The following NCKAP1 variants were observed in gnomAD, a reference collection of about 807,000 sequenced individuals.
The protein encoded by NCKAP1 is NCK associated protein 1.
In NCKAP1, 21 loss-of-function variants were observed where a neutral mutation model predicts 151.2. The observed-to-expected ratio is 0.14, with a 90% CI of 0.10 to 0.20. The LOEUF (loss-of-function observed/expected upper bound fraction) is 0.20, where lower values mean the gene tolerates loss of function less well. Ranked by LOEUF, NCKAP1 falls within the 10% of genes least tolerant of loss-of-function variation. The probability of loss-of-function intolerance (pLI) is 1.00; values close to 1 mark genes in which losing one functional copy is unlikely to be tolerated. For missense variants in NCKAP1, 933 were observed against 1,352.1 expected, an observed-to-expected ratio of 0.69 and a Z score of 4.86; for synonymous variants, 484 against 451.8, an observed-to-expected ratio of 1.07 and a Z score of -0.90.
At chr2:183,023,562 T>A (rs1217280008) in intron 2 of NCKAP1, among the ~76,000 whole-genome samples, 1 of 152,134 alleles carries the variant, frequency 6.6e-6, no homozygotes, top group Admixed American at 6.6e-5. Context: ...TGTTGCAATT[T>A]GAAAGGGAAT....
intron 17 of NCKAP1, among the ~76,000 whole-genome samples, chr2:182,962,605 T>C (rs532467370): frequency 6.6e-6 from 1 of 152,262 alleles, no homozygotes; most frequent in Non-Finnish European, 1.5e-5. Flanking sequence ...TGTTAAAATA[T>C]TAAACATATA....
intron 23 of NCKAP1, among the ~76,000 whole-genome samples, chr2:182,948,788 A>G (rs1010609165): frequency 6.6e-6 from 1 of 152,248 alleles, no homozygotes; most frequent in Non-Finnish European, 1.5e-5. Context: ...GTTGATTGTG[A>G]AAACAGTATG....
intron 17 of NCKAP1, among the ~76,000 whole-genome samples, chr2:182,964,276 T>C (rs561370179): frequency 6.6e-6 from 1 of 152,120 alleles, no homozygotes; most frequent in African/African-American, 2.4e-5. Flanking sequence ...AATTTAGTAA[T>C]AATAAGTTAG....
At chr2:182,980,024 C>T (rs1270972414) in intron 13 of NCKAP1, among the ~76,000 whole-genome samples, 1 of 151,970 alleles carries the variant, frequency 6.6e-6, no homozygotes, top group African/African-American at 2.4e-5. Flanking sequence ...TTAGTAAACT[C>T]CACTTTATAT....
At chr2:182,936,016 G>C (rs1436891185) in intron 24 of NCKAP1, among the ~76,000 whole-genome samples, 1 of 152,090 alleles carries the variant, frequency 6.6e-6, no homozygotes, top group African/African-American at 2.4e-5. Context: ...TAGCATTCTA[G>C]GAGGCTGAAC....
chr2:183,022,153 A>G (rs1195790098), intron 2 of NCKAP1, among the ~76,000 whole-genome samples: 1 of 152,200 alleles, frequency 6.6e-6, no homozygotes, highest in Non-Finnish European at 1.5e-5. Context: ...ATTCTAAGGA[A>G]AGACCTAATA....
At chr2:182,997,818 C>A (rs1698299406) in intron 6 of NCKAP1, among the ~76,000 whole-genome samples, 1 of 152,106 alleles carries the variant, frequency 6.6e-6, no homozygotes, top group Non-Finnish European at 1.5e-5. Flanking sequence ...GGCTCCTCAT[C>A]ATTCTATGAG....
Position 182,942,053 on chromosome 2 carries a change from T to C in NCKAP1, c.2695+17A>G. On this transcript the variant is annotated intron_variant, in intron 24 of 30. Transcript: ENST00000361354. ...AAGATCTTCTTATGTTTATAAAAAG[T>C]ATCATGAGTTACCCACATGATAATC... The C allele has an allele frequency of 6.3e-7, 1 of 1,583,876 alleles. No homozygotes were observed. Among genetic ancestry groups the C allele is most frequent in the South Asian group, 1.2e-5 (1 of 86,194 alleles).
At chr2:182,930,300 C>T (rs1311453293) in intron 27 of NCKAP1, among the ~76,000 whole-genome samples, 2 of 152,006 alleles carry the variant, frequency 1.3e-5, no homozygotes, top group African/African-American at 4.8e-5. Flanking sequence ...CTGATCATTT[C>T]CTTTCTATCT....
At chr2:182,984,257 A>C (rs1698002952) in intron 10 of NCKAP1, among the ~76,000 whole-genome samples, 1 of 152,158 alleles carries the variant, frequency 6.6e-6, no homozygotes, top group Non-Finnish European at 1.5e-5. Flanking sequence ...AGATGGGGAA[A>C]GGAAGGGATA....
rs962813395 is a variant in NCKAP1 at position 182,911,508 on chromosome 2, G to A, written c.*14194C>T. On this transcript the variant is annotated 3_prime_UTR_variant, in exon 31 of 31. Coordinates refer to ENST00000361354, the MANE Select transcript of NCKAP1 (RefSeq NM_013436.5). The stretch of plus-strand genomic sequence containing the variant: ...TTATATACTGTTATAAACAGACTAT[G>A]TGAAAAAATTTGAAATATAAACTCT... 13 of 152,150 alleles carry A rather than the reference G, an allele frequency of 8.5e-5. No individual in the cohort carries two copies. Among genetic ancestry groups the A allele is most frequent in the African/African-American group, 3.1e-4 (13 of 41,420 alleles). 9.4% of individuals were successfully genotyped at this position (152,150 alleles called of 1,614,324 possible). A position where few individuals can be genotyped will look rare whatever the true frequency, so the allele number is the denominator to read the frequency against.
chr2:182,945,054 G>C (rs565040000), intron 23 of NCKAP1, among the ~76,000 whole-genome samples: 1 of 152,254 alleles, frequency 6.6e-6, no homozygotes, highest in South Asian at 2.1e-4. Context: ...GTCCAACATG[G>C]TGAAACACCA....
At chr2:183,037,198 A>G (rs138281110) in intron 1 of NCKAP1, among the ~76,000 whole-genome samples, 209 of 152,326 alleles carry the variant, frequency 1.4e-3, no homozygotes, top group African/African-American at 4.8e-3. Context: ...AAATTATCAG[A>G]CTATGCTATA....
rs1696444637 is a variant in NCKAP1, at chr2:182,914,975, G to C, written c.*10727C>G. ...AGAGCAGATGTGATCATTTAAGCTG[G>C]GAATGCAGCCATACCGGGTGTCAGA... On this transcript the variant is annotated 3_prime_UTR_variant, in exon 31 of 31. Transcript: ENST00000361354. 6.6e-6 allele frequency: 1 copy of C among 152,134 alleles called. No individual in the cohort carries two copies. The highest frequency in any genetic ancestry group is 2.1e-4 in the South Asian group (1 of 4,828). 9.4% of individuals were successfully genotyped at this position (152,134 alleles called of 1,614,324 possible).
chr2:182,974,415 C>T (rs1317713181), intron 15 of NCKAP1, among the ~76,000 whole-genome samples: 1 of 152,070 alleles, frequency 6.6e-6, no homozygotes, highest in Non-Finnish European at 1.5e-5. Context: ...CAGAATGTGA[C>T]CTTATTTGGA....
chr2:182,982,599 T>C (rs1019160341), intron 12 of NCKAP1, among the ~76,000 whole-genome samples: 1 of 152,222 alleles, frequency 6.6e-6, no homozygotes, highest in Non-Finnish European at 1.5e-5. Flanking sequence ...CAGTGTACTA[T>C]GTTGCCAGAT....
chr2:182,982,408 AT>A (rs1697959088), intron 12 of NCKAP1, among the ~76,000 whole-genome samples: 1 of 152,104 alleles, frequency 6.6e-6, no homozygotes, highest in African/African-American at 2.4e-5. Context: ...ACTTACAGTG[AT>A]TTGGATGTAC....
intron 2 of NCKAP1, among the ~76,000 whole-genome samples, chr2:183,014,126 G>T (rs1048431652): frequency 6.6e-6 from 1 of 152,090 alleles, no homozygotes; most frequent in Non-Finnish European, 1.5e-5. Flanking sequence ...TATAAGCTCT[G>T]TAAGAACAGA....
At chr2:182,981,482 G>T in intron 12 of NCKAP1, 106 bp from the exon 13 acceptor site, 1 of 859,122 alleles carries the variant, frequency 1.2e-6, no homozygotes, top group Non-Finnish European at 1.8e-6. Context: ...TCTTATAAAG[G>T]GCATTGTTTA....
Sources: gnomAD v4.1 joint callset for allele counts (sites outside exome capture counted in the v4.1 genomes callset) on GRCh38, gnomAD v4.1.1 for gene constraint, MANE v1.5 for transcripts, NCBI Gene and HGNC (gene_info 2026-07-23, HGNC 2026-07-21) for gene names.